The following CEP112 variants were observed in gnomAD, a reference collection of about 807,000 sequenced individuals.
CEP112 encodes the protein centrosomal protein of 112 kDa.
CEP112 carries 127 observed loss-of-function variants against 153.0 expected under a neutral mutation model. The observed-to-expected ratio is 0.83, with a 90% confidence interval of 0.72 to 0.96. CEP112 has a LOEUF of 0.96. CEP112 is among the 40% of genes least tolerant of loss of function. The pLI, the probability that CEP112 is intolerant of heterozygous loss-of-function variation, is 0.00. For missense variants in CEP112, 1,089 were observed against 1,101.2 expected, an observed-to-expected ratio of 0.99 and a Z score of 0.16; for synonymous variants, 358 against 374.4, an observed-to-expected ratio of 0.96 and a Z score of 0.51.
intron 20 of CEP112, among the ~76,000 whole-genome samples, chr17:65,864,444 C>T (rs756352290): frequency 1.3e-5 from 2 of 152,146 alleles, no homozygotes; most frequent in Non-Finnish European, 2.9e-5. Flanking sequence ...AATTTCTTCC[C>T]ACAGTGAAAG....
In CEP112 at chr17:66,143,684, T is replaced by C. The variant is rs1221957097; in HGVS notation, c.471-10921A>G. Among the ~76,000 whole-genome samples the C allele has an allele frequency of 2.0e-5, 3 of 152,338 alleles. No individual in the cohort carries two copies. The East Asian group carries it at 5.8e-4, about 29-fold the overall frequency. On this transcript the variant is annotated intron_variant, in intron 4 of 26. Coordinates refer to ENST00000535342, the MANE Select transcript of CEP112 (RefSeq NM_001199165.4). The stretch of plus-strand genomic sequence containing the variant: ...AGAGTTCAAAATGAAAATATGCATT[T>C]GGTTCCCCAAATTCATACAAACAGA...
In CEP112 at chr17:65,693,075, T is replaced by G. The variant is rs144399586; in HGVS notation, c.2608-3857A>C. 6.3e-4 allele frequency among the ~76,000 whole-genome samples: 96 copies of G among 152,348 alleles called. No homozygotes were observed. In the East Asian group the frequency reaches 0.018, roughly 28 times the overall value. ...AATAATTGATAATATATTATCTGGT[T>G]TCTGCTACAATAAAAAATACTCCTT... On this transcript the variant is annotated intron_variant, in intron 23 of 26. Transcript: ENST00000535342.
At chr17:65,911,105 A>G (rs1462432325) in intron 19 of CEP112, among the ~76,000 whole-genome samples, 3 of 152,344 alleles carry the variant, frequency 2.0e-5, no homozygotes, top group Non-Finnish European at 2.9e-5. Flanking sequence ...TCAAGCATGC[A>G]AAAATACAGT....
At chr17:65,902,716 C>T (rs1435569846) in intron 19 of CEP112, among the ~76,000 whole-genome samples, 2 of 152,016 alleles carry the variant, frequency 1.3e-5, no homozygotes, top group East Asian at 1.9e-4. Context: ...GCAATTAAAT[C>T]GGTCAGCTTT....
At chr17:65,795,467 T>C in intron 21 of CEP112, among the ~76,000 whole-genome samples, 1 of 152,202 alleles carries the variant, frequency 6.6e-6, no homozygotes. Flanking sequence ...TCCAAAATTC[T>C]AGACTACCCC....
chr17:65,862,401 AC>A (rs2146403883), intron 20 of CEP112, among the ~76,000 whole-genome samples: 1 of 152,314 alleles, frequency 6.6e-6, no homozygotes, highest in Non-Finnish European at 1.5e-5. Flanking sequence ...ATCCTGGCTA[AC>A]ACGGTGAAAC....
chr17:66,130,794 C>CAAAAAAAAAAAAAAAAAAAAAAAAAAAAA (rs1568527270), intron 5 of CEP112, among the ~76,000 whole-genome samples: 1 of 136,592 alleles, frequency 7.3e-6, no homozygotes, highest in Non-Finnish European at 1.5e-5. Context: ...AAAAAAAAAA[C>CAAAAAAAAAAAAAAAAAAAAAAAAAAAAA]ACACACAATT....
intron 20 of CEP112, among the ~76,000 whole-genome samples, chr17:65,892,110 G>A (rs964805669): frequency 6.6e-5 from 10 of 152,092 alleles, no homozygotes; most frequent in Non-Finnish European, 1.5e-4. Context: ...ATACCCTTAC[G>A]GCCATATAGG....
intron 23 of CEP112, among the ~76,000 whole-genome samples, chr17:65,727,316 C>T (rs1311267636): frequency 6.6e-6 from 1 of 152,014 alleles, no homozygotes; most frequent in East Asian, 1.9e-4. Context: ...ATGTTCTTTG[C>T]TCTTTTTGTC....
intron 20 of CEP112, among the ~76,000 whole-genome samples, chr17:65,876,290 C>A (rs1363410877): frequency 6.6e-6 from 1 of 152,206 alleles, no homozygotes; most frequent in African/African-American, 2.4e-5. Context: ...CAAATCCTTG[C>A]ATGCTTGTAA....
chr17:65,993,951 TTCAGTAGAAAGTTATAAAAACCATG>T (rs1181093987), intron 17 of CEP112, among the ~76,000 whole-genome samples: 1 of 151,832 alleles, frequency 6.6e-6, no homozygotes, highest in Non-Finnish European at 1.5e-5. Context: ...TATGTTATAC[TTCAGTAGAAAGTTATAAAAACCATG>T]AGACTGCAGG....
At chr17:65,841,898 GTACACACA>G (rs2057532439) in intron 21 of CEP112, among the ~76,000 whole-genome samples, 1 of 130,390 alleles carries the variant, frequency 7.7e-6, no homozygotes, top group Non-Finnish European at 1.8e-5. Flanking sequence ...GTGTGTGTGT[GTACACACA>G]TACACACACA....
At chr17:65,917,852 C>T (rs1473471141) in intron 19 of CEP112, among the ~76,000 whole-genome samples, 2 of 152,002 alleles carry the variant, frequency 1.3e-5, no homozygotes, top group African/African-American at 4.8e-5. Flanking sequence ...TCCACCATCT[C>T]CTTTTCCAGT....
chr17:65,727,756 G>A (rs2050259988), intron 23 of CEP112, among the ~76,000 whole-genome samples: 1 of 152,142 alleles, frequency 6.6e-6, no homozygotes, highest in African/African-American at 2.4e-5. Context: ...TACAGGCAGT[G>A]CAACATATAG....
intron 20 of CEP112, among the ~76,000 whole-genome samples, chr17:65,877,662 T>C (rs188826926): frequency 6.6e-6 from 1 of 152,188 alleles, no homozygotes; most frequent in East Asian, 1.9e-4. Context: ...TGTAACACTA[T>C]GTAAAAACCC....
At chr17:65,828,665 T>C (rs1221534676) in intron 21 of CEP112, among the ~76,000 whole-genome samples, 1 of 148,580 alleles carries the variant, frequency 6.7e-6, no homozygotes, top group African/African-American at 2.5e-5. Context: ...AACTAGTATA[T>C]AAAGAATCAC....
At chr17:66,093,109 A>G (rs1330694863) in intron 8 of CEP112, among the ~76,000 whole-genome samples, 2 of 152,158 alleles carry the variant, frequency 1.3e-5, no homozygotes, top group East Asian at 3.9e-4. Flanking sequence ...TGAGGCAGGC[A>G]GATTACTTGA....
chr17:66,119,682 G>A (rs2069480276), intron 6 of CEP112, among the ~76,000 whole-genome samples: 1 of 152,204 alleles, frequency 6.6e-6, no homozygotes, highest in South Asian at 2.1e-4. Context: ...AAAAGAGGGA[G>A]AGAGAGAACT....
intron 6 of CEP112, among the ~76,000 whole-genome samples, chr17:66,120,663 A>C (rs190806045): frequency 1.1e-3 from 164 of 152,262 alleles, no homozygotes; most frequent in Admixed American, 2.9e-3. Context: ...TGCTTGCAGT[A>C]ATCTCTTATT....
Sources: gnomAD v4.1 joint callset for allele counts (sites outside exome capture counted in the v4.1 genomes callset) on GRCh38, gnomAD v4.1.1 for gene constraint, MANE v1.5 for transcripts, NCBI Gene and HGNC (gene_info 2026-07-23, HGNC 2026-07-21) for gene names.